NOL10: variants seen among roughly 807,000 people sequenced by gnomAD.
NOL10 encodes the protein H_NH0074G24.1.
Under a neutral mutation model 103.5 loss-of-function variants are expected in NOL10, and 58 were observed. The observed-to-expected ratio is 0.56, with a 90% CI of 0.45 to 0.70. The LOEUF (loss-of-function observed/expected upper bound fraction) is 0.70. NOL10 is among the 30% of genes least tolerant of loss of function. NOL10 has a pLI of 0.00. For missense variants in NOL10, 763 were observed against 807.3 expected (o/e 0.95, Z 0.67); for synonymous variants, 287 against 282.5 (o/e 1.02, Z -0.16).
At chr2:10,603,613 C>T (rs1233441586) in intron 14 of NOL10, among the ~76,000 whole-genome samples, 1 of 152,210 alleles carries the variant, frequency 6.6e-6, no homozygotes, top group Non-Finnish European at 1.5e-5. Context: ...CAAGAAAGAA[C>T]AGCTGACAAA....
chr2:10,649,540 G>T (rs1299741437), intron 12 of NOL10, among the ~76,000 whole-genome samples: 1 of 151,938 alleles, frequency 6.6e-6, no homozygotes, highest in Non-Finnish European at 1.5e-5. Flanking sequence ...GGCTAGTCTC[G>T]AACTCCTGAC....
chr2:10,654,386 A>G, intron 12 of NOL10, 95 bp downstream of exon 12: 2 of 909,862 alleles, frequency 2.2e-6, no homozygotes, highest in Non-Finnish European at 1.7e-6. Context: ...TTTAAAACCT[A>G]AAAAAGTATA....
chr2:10,684,488 T>TTA (rs1682008881), intron 2 of NOL10, 79 bp downstream of exon 2: 2 of 1,122,920 alleles, frequency 1.8e-6, no homozygotes. Context: ...AAATCCTCAC[T>TTA]TATATATAAC....
At chr2:10,581,633 T>C (rs1034742213) in intron 19 of NOL10, among the ~76,000 whole-genome samples, 2 of 152,066 alleles carry the variant, frequency 1.3e-5, no homozygotes, top group African/African-American at 4.8e-5. Flanking sequence ...TCAACACCAG[T>C]CTGGGCAACA....
At chr2:10,663,507 T>A (rs931910830) in intron 8 of NOL10, among the ~76,000 whole-genome samples, 1 of 152,200 alleles carries the variant, frequency 6.6e-6, no homozygotes, top group Admixed American at 6.5e-5. Context: ...TCATAATGCC[T>A]GCAACTTATT....
intron 13 of NOL10, among the ~76,000 whole-genome samples, chr2:10,623,174 A>G (rs1227825937): frequency 6.6e-6 from 1 of 151,494 alleles, no homozygotes; most frequent in Non-Finnish European, 1.5e-5. Context: ...TCCCTTGAAT[A>G]AAACCCTTCA....
intron 6 of NOL10, among the ~76,000 whole-genome samples, chr2:10,670,559 A>C (rs140050425): frequency 0.034 from 5,233 of 152,306 alleles, 173 homozygotes; most frequent in African/African-American, 0.084. Flanking sequence ...ACAAGGTGAA[A>C]CATCGCCTCT....
Position 10,657,903 on chromosome 2 carries a change from T to G in NOL10, c.757-12A>C. Reference sequence around the variant, plus strand: ...TCATATAATAAAACCTGAAAAAAAATTATTTCTGTTTAAACAAACTAGACA... The same window carrying G: ...TCATATAATAAAACCTGAAAAAAAAGTATTTCTGTTTAAACAAACTAGACA... On this transcript the variant is annotated splice_polypyrimidine_tract_variant and intron_variant, in intron 10 of 20. Coordinates refer to ENST00000381685, the MANE Select transcript of NOL10 (RefSeq NM_024894.4). 2 of 1,496,468 alleles carry G rather than the reference T, an allele frequency of 1.3e-6. No individual in the cohort carries two copies. The highest frequency in any genetic ancestry group is 1.8e-6 in the Non-Finnish European group (2 of 1,117,698). 92.7% of individuals were successfully genotyped at this position (1,496,468 alleles called of 1,614,324 possible). A position where few individuals can be genotyped will look rare whatever the true frequency, so the allele number is the denominator to read the frequency against.
intron 2 of NOL10, among the ~76,000 whole-genome samples, chr2:10,684,053 T>C (rs1681971626): frequency 6.6e-6 from 1 of 150,432 alleles, no homozygotes; most frequent in Non-Finnish European, 1.5e-5. Flanking sequence ...CCAAGGCAGG[T>C]GGATCACCTG....
chr2:10,671,815 A>C, intron 5 of NOL10, 125 bp from the exon 6 acceptor site: 1 of 647,452 alleles, frequency 1.5e-6, no homozygotes, highest in Non-Finnish European at 2.6e-6. Context: ...ATCTAAACAC[A>C]CATGTCCATG....
chr2:10,661,408 G>A (rs893121528), intron 9 of NOL10, among the ~76,000 whole-genome samples: 1 of 151,212 alleles, frequency 6.6e-6, no homozygotes, highest in Non-Finnish European at 1.5e-5. Flanking sequence ...GTCTCACTCT[G>A]TTACCCAGGC....
At chr2:10,615,678 A>C (rs1676796936) in intron 13 of NOL10, among the ~76,000 whole-genome samples, 1 of 152,216 alleles carries the variant, frequency 6.6e-6, no homozygotes, top group African/African-American at 2.4e-5. Context: ...CCGGGTAAAC[A>C]TGAGAGCTTA....
chr2:10,637,188 C>CAAAAAAAAAA (rs61693251), intron 13 of NOL10, among the ~76,000 whole-genome samples: 21 of 44,528 alleles, frequency 4.7e-4, no homozygotes, highest in Non-Finnish European at 6.8e-4. Context: ...GACACTGTCT[C>CAAAAAAAAAA]AAAAAAAAAA....
chr2:10,664,046 G>A (rs940631960), intron 8 of NOL10, among the ~76,000 whole-genome samples: 21 of 151,856 alleles, frequency 1.4e-4, no homozygotes, highest in Non-Finnish European at 1.8e-4. Context: ...GCTTGAACCC[G>A]GGAGGCAGAG....
intron 9 of NOL10, among the ~76,000 whole-genome samples, chr2:10,661,073 CTTTA>C (rs769354584): frequency 4.6e-5 from 7 of 152,002 alleles, no homozygotes; most frequent in African/African-American, 7.2e-5. Flanking sequence ...TGTGGTAACA[CTTTA>C]TTTATTTGTT....
At chr2:10,587,307 T>G in intron 19 of NOL10, among the ~76,000 whole-genome samples, 1 of 134,066 alleles carries the variant, frequency 7.5e-6, no homozygotes, top group Non-Finnish European at 1.5e-5. Context: ...AGTCTAGTTC[T>G]GTTGCCAGAC....
intron 6 of NOL10, among the ~76,000 whole-genome samples, chr2:10,669,501 CACACACATATAT>C (rs1302289502): frequency 1.4e-5 from 1 of 73,638 alleles, no homozygotes; most frequent in Non-Finnish European, 2.4e-5. Context: ...CACACATACA[CACACACATATAT>C]ACACACACAC....
At chr2:10,630,447 T>A (rs558088497) in intron 13 of NOL10, among the ~76,000 whole-genome samples, 5 of 152,174 alleles carry the variant, frequency 3.3e-5, no homozygotes, top group African/African-American at 1.2e-4. Flanking sequence ...GCGCGATGGC[T>A]CACACCTATA....
chr2:10,614,888 G>C (rs1192206147), intron 13 of NOL10, among the ~76,000 whole-genome samples: 3 of 152,140 alleles, frequency 2.0e-5, no homozygotes, highest in Non-Finnish European at 4.4e-5. Flanking sequence ...ATGGGATTTT[G>C]CCAATTAAGA....
Sources: gnomAD v4.1 joint callset for allele counts (sites outside exome capture counted in the v4.1 genomes callset) on GRCh38, gnomAD v4.1.1 for gene constraint, MANE v1.5 for transcripts, NCBI Gene and HGNC (gene_info 2026-07-23, HGNC 2026-07-21) for gene names.